Variants in NF1 observed in about 807,000 individuals in gnomAD.
NF1 encodes the protein neurofibromin.
A neutral mutation model predicts 325.7 loss-of-function variants in NF1; 122 were observed. That is an observed-to-expected ratio of 0.37 (90% confidence interval 0.32 to 0.44). The LOEUF (loss-of-function observed/expected upper bound fraction) is 0.44. Ranked by LOEUF, NF1 falls within the 20% of genes least tolerant of loss-of-function variation. NF1 has a pLI of 1.00. For synonymous variants in NF1, 1,091 were observed against 1,186.0 expected (o/e 0.92, Z 1.65); for missense variants, 2,140 against 3,415.4 (o/e 0.63, Z 9.31).
chr17:31,307,334 G>A (rs2068751879), intron 36 of NF1, among the ~76,000 whole-genome samples: 1 of 152,172 alleles, frequency 6.6e-6, no homozygotes, highest in African/African-American at 2.4e-5. Context: ...ACAATAATTT[G>A]ATAAGCTTTC....
At chr17:31,317,368 A>AACACACACACACACAC (rs3138611) in intron 36 of NF1, among the ~76,000 whole-genome samples, 4 of 144,562 alleles carry the variant, frequency 2.8e-5, no homozygotes, top group East Asian at 2.0e-4. Context: ...TCCAGATTTG[A>AACACACACACACACAC]ACACACACAC....
At chr17:31,110,178 GGTCACAGTACA>G (rs1913280012) in intron 1 of NF1, among the ~76,000 whole-genome samples, 1 of 152,010 alleles carries the variant, frequency 6.6e-6, no homozygotes, top group Non-Finnish European at 1.5e-5. Context: ...GTATTTAATA[GGTCACAGTACA>G]GTCATATATA....
chr17:31,180,120 C>G (rs2066099560), intron 5 of NF1, among the ~76,000 whole-genome samples: 1 of 152,100 alleles, frequency 6.6e-6, no homozygotes, highest in Non-Finnish European at 1.5e-5. Flanking sequence ...AGCCTACCAA[C>G]CAAAAAAAGT....
chr17:31,318,858 G>A lies in NF1; in HGVS notation c.4836-6962G>A, dbSNP rs148409995. On this transcript the variant is annotated intron_variant, in intron 36 of 57. Transcript: ENST00000358273. ...TGTTAATGTTTTCATTTTGGTTTCTGCCTGTCTTGTTTTGAATAACTGAAT... is the reference window on the plus strand; with the variant it reads ...TGTTAATGTTTTCATTTTGGTTTCTACCTGTCTTGTTTTGAATAACTGAAT... 865 of 1,613,994 alleles carry A rather than the reference G, an allele frequency of 5.4e-4. 8 individuals are homozygous for A. The African/African-American group carries it at 0.01, about 19-fold the overall frequency.
At chr17:31,100,259 A>G (rs770301210) in intron 1 of NF1, among the ~76,000 whole-genome samples, 1 of 152,200 alleles carries the variant, frequency 6.6e-6, no homozygotes, top group Admixed American at 6.5e-5. Flanking sequence ...GATTCACAGT[A>G]TAAAATGATT....
At chr17:31,303,685 G>A (rs2068628467) in intron 36 of NF1, 1 of 152,072 alleles carries the variant, frequency 6.6e-6, no homozygotes, top group Admixed American at 6.6e-5. Flanking sequence ...ATTTTTTTCA[G>A]GGTAAATGTT....
At chr17:31,357,154 G>T (rs2151582788) in intron 53 of NF1, 64 bp downstream of exon 53, 12 of 1,604,064 alleles carry the variant, frequency 7.5e-6, no homozygotes, top group Non-Finnish European at 1.0e-5. Context: ...CTTTTAGGAG[G>T]CCCTTAAATA....
At chr17:31,123,195 T>C (rs1914583432) in intron 1 of NF1, among the ~76,000 whole-genome samples, 1 of 152,342 alleles carries the variant, frequency 6.6e-6, no homozygotes, top group East Asian at 1.9e-4. Context: ...TTATAACATG[T>C]ATAGTTTGTC....
intron 36 of NF1, chr17:31,305,212 G>T: frequency 6.2e-7 from 1 of 1,614,210 alleles, no homozygotes; most frequent in Non-Finnish European, 8.5e-7. Flanking sequence ...TGTGGTAGAA[G>T]TACGGGCAGA....
intron 12 of NF1, among the ~76,000 whole-genome samples, chr17:31,207,061 T>C (rs545790875): frequency 2.8e-4 from 43 of 152,298 alleles, no homozygotes; most frequent in South Asian, 1.5e-3. Context: ...GCAAGAGTAT[T>C]ATACAAGAGC....
chr17:31,200,250 A>G (rs1371875011), intron 8 of NF1, among the ~76,000 whole-genome samples, 172 bp from the exon 9 acceptor site: 3 of 152,116 alleles, frequency 2.0e-5, no homozygotes, highest in Admixed American at 2.0e-4. Flanking sequence ...TAAATTTGAG[A>G]AACATTTAAA....
chr17:31,294,068 A>G (rs534299063), intron 36 of NF1, among the ~76,000 whole-genome samples: 1 of 152,218 alleles, frequency 6.6e-6, no homozygotes, highest in Admixed American at 6.5e-5. Context: ...TCACTTCCTC[A>G]GTACTGCCCA....
At chr17:31,231,693 A>C (rs2067115067) in intron 24 of NF1, among the ~76,000 whole-genome samples, 1 of 152,188 alleles carries the variant, frequency 6.6e-6, no homozygotes, top group South Asian at 2.1e-4. Flanking sequence ...ACAACAACAA[A>C]AAATCTGTAC....
intron 1 of NF1, among the ~76,000 whole-genome samples, chr17:31,096,408 C>T (rs762611348): frequency 3.4e-4 from 52 of 152,078 alleles, no homozygotes; most frequent in Non-Finnish European, 5.4e-4. Flanking sequence ...GACTTTTTAT[C>T]GCCTGAGTTT....
At chr17:31,225,791 A>C (rs2067002816) in intron 17 of NF1, among the ~76,000 whole-genome samples, 2 of 152,198 alleles carry the variant, frequency 1.3e-5, no homozygotes, top group African/African-American at 2.4e-5. Context: ...TTTCATTCCT[A>C]ATTTTTAATG....
chr17:31,207,589 A>C (rs2066646788), intron 12 of NF1, among the ~76,000 whole-genome samples: 1 of 152,176 alleles, frequency 6.6e-6, no homozygotes, highest in Non-Finnish European at 1.5e-5. Context: ...TGTTTCCTTA[A>C]GTAAACTTTA....
chr17:31,321,084 G>A (rs939700960), intron 36 of NF1: 19 of 152,250 alleles, frequency 1.2e-4, no homozygotes, highest in African/African-American at 2.6e-4. Flanking sequence ...ATTGAGGACT[G>A]TTTTTACTCC....
At position 31,374,191 on chromosome 17, in the gene NF1, A is replaced by C. The variant is rs1230785795; in HGVS notation, c.*36A>C. On this transcript the variant is annotated 3_prime_UTR_variant, in exon 58 of 58. Coordinates refer to ENST00000358273, the MANE Select transcript of NF1 (RefSeq NM_001042492.3). ...CTTTCTTTTTTAAAATCAACTTAAC[A>C]TGGGCTCTTCACTAGTGACCCCTTC... The C allele has an allele frequency of 6.2e-7, 1 of 1,613,138 alleles. No homozygotes were observed. Among genetic ancestry groups the C allele is most frequent in the East Asian group, 2.2e-5 (1 of 44,878 alleles).
chr17:31,326,889 A>G (rs1376383159), intron 37 of NF1, among the ~76,000 whole-genome samples: 1 of 152,136 alleles, frequency 6.6e-6, no homozygotes, highest in African/African-American at 2.4e-5. Flanking sequence ...ATGAACCTTC[A>G]GGATAAAATC....
Sources: gnomAD v4.1 joint callset for allele counts (sites outside exome capture counted in the v4.1 genomes callset) on GRCh38, gnomAD v4.1.1 for gene constraint, MANE v1.5 for transcripts, NCBI Gene and HGNC (gene_info 2026-07-23, HGNC 2026-07-21) for gene names.